The following MVB12B variants were observed in gnomAD, a reference collection of about 807,000 sequenced individuals.
MVB12B encodes the protein multivesicular body subunit 12B.
A neutral mutation model predicts 41.6 loss-of-function variants in MVB12B; 16 were observed. That is an observed-to-expected ratio of 0.38 (90% CI 0.26 to 0.58). The LOEUF (loss-of-function observed/expected upper bound fraction) is 0.58, where lower values mean the gene tolerates loss of function less well. Ranked by LOEUF, MVB12B falls within the 20% of genes least tolerant of loss-of-function variation. The probability of loss-of-function intolerance (pLI) is 0.62; values close to 1 mark genes in which losing one functional copy is unlikely to be tolerated. For synonymous variants in MVB12B, 133 were observed against 139.7 expected, an observed-to-expected ratio of 0.95 and a Z score of 0.34; for missense variants, 274 against 380.2, an observed-to-expected ratio of 0.72 and a Z score of 2.32.
Position 126,392,227 on chromosome 9 carries a change from T to C in MVB12B, c.539+32T>C. ...CTTAATAACAGGACTGTCAGCTGCT[T>C]CTCTTCCCTGAGAGCACTCAGGCCA... On this transcript the variant is annotated intron_variant, in intron 5 of 9. Transcript: ENST00000361171. The surrounding 1 kb of genome is among the most constrained non-coding windows in gnomAD (Gnocchi z 4.8). 1 of 1,612,090 alleles carries C rather than the reference T, an allele frequency of 6.2e-7. No homozygotes were observed. Among genetic ancestry groups the C allele is most frequent in the Non-Finnish European group, 8.5e-7 (1 of 1,178,436 alleles).
At chr9:126,500,539 A>G (rs569913500) in intron 9 of MVB12B, among the ~76,000 whole-genome samples, 2 of 152,282 alleles carry the variant, frequency 1.3e-5, no homozygotes, top group East Asian at 3.9e-4. Context: ...GCATGGGGTT[A>G]CCTGGGAGCT....
chr9:126,447,036 C>G lies in MVB12B; in HGVS notation c.757+25088C>G, dbSNP rs59846773. 7.0e-3 allele frequency among the ~76,000 whole-genome samples: 1,054 copies of G among 150,176 alleles called. 13 individuals carry two copies. Among genetic ancestry groups the G allele is most frequent in the African/African-American group, 0.024 (986 of 40,968 alleles). On this transcript the variant is annotated intron_variant, in intron 7 of 9. Transcript: ENST00000361171. ...CTTGGCTCACTGCAACCGCCGCCTC[C>G]CAGGTTCAAGTGATTCTCCTGCCTC... is the stretch of plus-strand genomic sequence containing the variant.
rs1339377197 is a variant in MVB12B at position 126,395,386 on chromosome 9, G to A, written c.540-189G>A. ...CCCGAAGGCCTGCCTAGATGGAACG[G>A]GTCACCCTCGTGTGAACTATGACAC... On this transcript the variant is annotated intron_variant, in intron 5 of 9. Transcript: ENST00000361171. The surrounding 1 kb of genome is among the most constrained non-coding windows in gnomAD (Gnocchi z 4.9). 6.6e-6 allele frequency among the ~76,000 whole-genome samples: 1 copy of A among 152,210 alleles called. No homozygotes were observed. Among genetic ancestry groups the A allele is most frequent in the Non-Finnish European group, 1.5e-5 (1 of 68,034 alleles).
intron 6 of MVB12B, among the ~76,000 whole-genome samples, chr9:126,398,445 TC>T (rs1831179726): frequency 6.6e-6 from 1 of 152,104 alleles, no homozygotes; most frequent in Non-Finnish European, 1.5e-5. Flanking sequence ...AAACAGGAAT[TC>T]CATTTCCCAC....
chr9:126,415,066 C>T (rs1310457772), intron 6 of MVB12B, among the ~76,000 whole-genome samples: 3 of 152,062 alleles, frequency 2.0e-5, no homozygotes, highest in Non-Finnish European at 2.9e-5. Flanking sequence ...CGAGTACCTA[C>T]TCATTCTTAT....
intron 7 of MVB12B, among the ~76,000 whole-genome samples, chr9:126,476,598 C>T (rs1193254162): frequency 1.3e-5 from 2 of 152,014 alleles, no homozygotes; most frequent in African/African-American, 4.8e-5. Flanking sequence ...TAGAATCTGC[C>T]GGTCGCGGTG....
chr9:126,378,776 G>T (rs73668003), intron 2 of MVB12B, among the ~76,000 whole-genome samples: 447 of 152,100 alleles, frequency 2.9e-3, no homozygotes, highest in African/African-American at 0.01. Context: ...TTAATGCTTC[G>T]CAGACAAGGA....
intron 6 of MVB12B, among the ~76,000 whole-genome samples, chr9:126,418,050 T>C (rs549560329): frequency 6.6e-6 from 1 of 152,060 alleles, no homozygotes; most frequent in East Asian, 1.9e-4. Flanking sequence ...AGGCAGAATC[T>C]GGAAGGTGGG....
At chr9:126,400,138 TC>T (rs1564310540) in intron 6 of MVB12B, among the ~76,000 whole-genome samples, 1 of 152,122 alleles carries the variant, frequency 6.6e-6, no homozygotes, top group African/African-American at 2.4e-5. Context: ...AAATCCAGTG[TC>T]AAGTTTGAGG....
In MVB12B at chr9:126,505,488, G is replaced by A. The variant is rs1012361654; in HGVS notation, c.*2225G>A. 1.3e-5 allele frequency: 2 copies of A among 152,210 alleles called. No individual in the cohort carries two copies. Among genetic ancestry groups the A allele is most frequent in the East Asian group, 1.9e-4 (1 of 5,182 alleles). The allele number at this position is 152,210 out of a possible 1,614,324, so 9.4% of individuals were successfully genotyped here. On this transcript the variant is annotated 3_prime_UTR_variant, in exon 10 of 10. Coordinates refer to ENST00000361171, the MANE Select transcript of MVB12B (RefSeq NM_033446.3). ...GGAGCCATCTTCTCCATAGCATTAC[G>A]GACTTAGCATAAGAGTAAATGACTG...
rs1054306436 is a variant in MVB12B at position 126,473,306 on chromosome 9, C to A, written c.758-8063C>A. Among the ~76,000 whole-genome samples, 2 of 152,210 alleles carry A rather than the reference C, an allele frequency of 1.3e-5. No homozygotes were observed. The highest frequency in any genetic ancestry group is 4.1e-4 in the South Asian group (2 of 4,834). On this transcript the variant is annotated intron_variant, in intron 7 of 9. Transcript: ENST00000361171. This position sits in a 1 kb window ranked among gnomAD's most constrained non-coding sequence, Gnocchi z 4.0. ...CCCCTCCTTCCCTGCCATAGCCCCC[C>A]ATAGCCCCAGAGCAGGTTACACTCT... is the stretch of plus-strand genomic sequence containing the variant.
chr9:126,482,259 T>C (rs2159787), intron 8 of MVB12B, among the ~76,000 whole-genome samples: 19,687 of 152,338 alleles, frequency 0.13, 1,799 homozygotes, highest in East Asian at 0.44. Context: ...TGATCCTTTC[T>C]GCAGAAGTTG....
chr9:126,392,006 A>C lies in MVB12B; in HGVS notation c.410-60A>C. Reference sequence around the variant, plus strand: ...GGGCGTGACAGGGGATGTGGTTTTCAGAATAGAGATTCTGGTATCTCTGGA... The same window carrying C: ...GGGCGTGACAGGGGATGTGGTTTTCCGAATAGAGATTCTGGTATCTCTGGA... On this transcript the variant is annotated intron_variant, in intron 4 of 9. Transcript: ENST00000361171. The surrounding 1 kb of genome is among the most constrained non-coding windows in gnomAD (Gnocchi z 4.8). 1 of 1,595,704 alleles carries C rather than the reference A, an allele frequency of 6.3e-7. No individual in the cohort carries two copies.
At chr9:126,450,939 G>T (rs1471166188) in intron 7 of MVB12B, among the ~76,000 whole-genome samples, 2 of 152,210 alleles carry the variant, frequency 1.3e-5, no homozygotes, top group Admixed American at 6.5e-5. Context: ...GACCAGCTGT[G>T]CCACCCAGCC....
intron 2 of MVB12B, among the ~76,000 whole-genome samples, chr9:126,370,436 G>A (rs1219199841): frequency 6.7e-6 from 1 of 149,086 alleles, no homozygotes; most frequent in Non-Finnish European, 1.5e-5. Context: ...AGGCTGGAGT[G>A]CAGTGGCGCC....
At chr9:126,464,859 C>T (rs578112436) in intron 7 of MVB12B, among the ~76,000 whole-genome samples, 47 of 152,306 alleles carry the variant, frequency 3.1e-4, no homozygotes, top group African/African-American at 1.1e-3. Flanking sequence ...GCTTCAGACT[C>T]CTTCTGGGGG....
At chr9:126,358,057 A>G (rs1311189277) in intron 2 of MVB12B, among the ~76,000 whole-genome samples, 2 of 152,038 alleles carry the variant, frequency 1.3e-5, no homozygotes, top group Admixed American at 1.3e-4. Flanking sequence ...TTGTTCTAGT[A>G]CCCTTTCTTT....
chr9:126,406,951 C>A (rs76442247), intron 6 of MVB12B, among the ~76,000 whole-genome samples: 82 of 152,132 alleles, frequency 5.4e-4, no homozygotes, highest in African/African-American at 1.9e-3. Context: ...TATTTTTCTG[C>A]GGAAGCATTT....
chr9:126,453,767 AC>A (rs1832926232), intron 7 of MVB12B, among the ~76,000 whole-genome samples: 1 of 152,254 alleles, frequency 6.6e-6, no homozygotes, highest in Admixed American at 6.5e-5. Flanking sequence ...CATGTGACAC[AC>A]AGCCTCACAT....
Sources: allele counts gnomAD v4.1 joint callset (sites outside exome capture counted in the v4.1 genomes callset), GRCh38; gene constraint gnomAD v4.1.1; non-coding constraint Gnocchi (gnomAD v3.1); transcripts MANE v1.5; gene names NCBI Gene and HGNC (gene_info 2026-07-23, HGNC 2026-07-21).